Variants in GPR176 observed in about 807,000 individuals in gnomAD.
GPR176 encodes the protein G protein-coupled receptor 176.
A neutral mutation model predicts 35.4 loss-of-function variants in GPR176; 26 were observed. That is an observed-to-expected ratio of 0.74 (90% CI 0.54 to 1.02). The LOEUF (loss-of-function observed/expected upper bound fraction) is 1.02, where lower values mean the gene tolerates loss of function less well. Among genes scored for constraint, GPR176 ranks in the 50% least tolerant of loss-of-function variants. The pLI is 0.00. For synonymous variants in GPR176, 278 were observed against 271.3 expected (o/e 1.02, Z -0.24); for missense variants, 597 against 665.3 (o/e 0.90, Z 1.13).
At chr15:39,807,309 TAA>T in intron 1 of GPR176, 51 bp from the exon 2 acceptor site, 5 of 1,218,824 alleles carry the variant, frequency 4.1e-6, no homozygotes, top group Non-Finnish European at 5.5e-6. Context: ...ATTTAAGAAC[TAA>T]AAAAAGGAAA....
chr15:39,839,203 G>T (rs1429238917), intron 1 of GPR176, among the ~76,000 whole-genome samples: 4 of 152,112 alleles, frequency 2.6e-5, no homozygotes. Flanking sequence ...AAAGAACAAA[G>T]CTGGAGGCAT....
chr15:39,916,239 T>G (rs2033722529), intron 1 of GPR176, among the ~76,000 whole-genome samples: 1 of 152,190 alleles, frequency 6.6e-6, no homozygotes. Context: ...AGTCTTTGAT[T>G]TCACACTCTT....
chr15:39,806,293 GCTTA>G (rs1470516664), intron 2 of GPR176, among the ~76,000 whole-genome samples: 1 of 152,116 alleles, frequency 6.6e-6, no homozygotes, highest in East Asian at 1.9e-4. Context: ...ATTCTTGTTT[GCTTA>G]CTTAATTCAA....
At chr15:39,881,710 C>A (rs1225653021) in intron 1 of GPR176, among the ~76,000 whole-genome samples, 1 of 152,180 alleles carries the variant, frequency 6.6e-6, no homozygotes, top group African/African-American at 2.4e-5. Flanking sequence ...CCAGCTCACA[C>A]AAATGAATAG....
intron 1 of GPR176, among the ~76,000 whole-genome samples, chr15:39,811,462 C>T (rs1404683804): frequency 5.9e-5 from 9 of 151,826 alleles, no homozygotes; most frequent in Admixed American, 5.9e-4. Flanking sequence ...GTTGAGTATC[C>T]CTTATCTAAA....
At chr15:39,902,450 C>T (rs1231804691) in intron 1 of GPR176, among the ~76,000 whole-genome samples, 2 of 152,194 alleles carry the variant, frequency 1.3e-5, no homozygotes, top group East Asian at 1.9e-4. Context: ...CCTCTAGTCC[C>T]TAATCCTGCC....
chr15:39,806,887 G>A, intron 2 of GPR176, 119 bp downstream of exon 2: 6 of 856,954 alleles, frequency 7.0e-6, no homozygotes, highest in Non-Finnish European at 8.9e-6. Flanking sequence ...CCTTTCTGTT[G>A]ATCACAAGCT....
chr15:39,898,823 A>T (rs2033193624), intron 1 of GPR176, among the ~76,000 whole-genome samples: 1 of 152,202 alleles, frequency 6.6e-6, no homozygotes, highest in Non-Finnish European at 1.5e-5. Context: ...AAGAAGTATG[A>T]CTATGAAAGG....
chr15:39,812,408 C>T (rs1335002951), intron 1 of GPR176, among the ~76,000 whole-genome samples: 11 of 152,164 alleles, frequency 7.2e-5, no homozygotes, highest in Admixed American at 5.9e-4. Flanking sequence ...ATCTTTCTCC[C>T]GTGCTGGATG....
intron 1 of GPR176, among the ~76,000 whole-genome samples, chr15:39,813,845 T>TTA (rs774974084): frequency 9.5e-4 from 144 of 151,674 alleles, no homozygotes; most frequent in Middle Eastern, 3.4e-3. Flanking sequence ...ATCAACATCC[T>TTA]TATATATATA....
At chr15:39,844,536 T>A (rs7181712) in intron 1 of GPR176, among the ~76,000 whole-genome samples, 27,280 of 151,614 alleles carry the variant, frequency 0.18, 2,868 homozygotes, top group Admixed American at 0.34. Context: ...CTTCTTTCAA[T>A]CTGTTCCGAG....
At chr15:39,849,397 T>C (rs1331180715) in intron 1 of GPR176, among the ~76,000 whole-genome samples, 1 of 151,998 alleles carries the variant, frequency 6.6e-6, no homozygotes, top group Non-Finnish European at 1.5e-5. Context: ...CATACTCTCT[T>C]CCAAAAAACA....
chr15:39,874,664 C>A (rs999629288), intron 1 of GPR176, among the ~76,000 whole-genome samples: 1 of 152,198 alleles, frequency 6.6e-6, no homozygotes, highest in Non-Finnish European at 1.5e-5. Context: ...GTCAATAAGA[C>A]TTGGAGTAAT....
intron 1 of GPR176, among the ~76,000 whole-genome samples, chr15:39,817,430 G>A (rs1313607610): frequency 6.6e-6 from 1 of 152,158 alleles, no homozygotes; most frequent in Non-Finnish European, 1.5e-5. Flanking sequence ...GAATAGCAGA[G>A]GTACAAAAGT....
intron 1 of GPR176, among the ~76,000 whole-genome samples, chr15:39,877,702 A>C (rs1463148555): frequency 2.0e-5 from 3 of 152,102 alleles, no homozygotes; most frequent in Non-Finnish European, 4.4e-5. Context: ...CTAGGACTAC[A>C]GGCAGACGCC....
chr15:39,831,902 T>C (rs1901101315), intron 1 of GPR176, among the ~76,000 whole-genome samples: 2 of 152,042 alleles, frequency 1.3e-5, no homozygotes, highest in African/African-American at 4.8e-5. Flanking sequence ...TCTCAGTATT[T>C]TATCCCAAAT....
chr15:39,907,048 T>C (rs543695686), intron 1 of GPR176, among the ~76,000 whole-genome samples: 19 of 152,172 alleles, frequency 1.2e-4, no homozygotes, highest in Non-Finnish European at 2.4e-4. Context: ...ATAGAAGTGA[T>C]TGGGGAAGAC....
At chr15:39,911,382 T>C (rs887843830) in intron 1 of GPR176, among the ~76,000 whole-genome samples, 4 of 152,196 alleles carry the variant, frequency 2.6e-5, no homozygotes, top group Admixed American at 6.5e-5. Context: ...ATCTGAAAGT[T>C]TTTCAGTATC....
intron 1 of GPR176, among the ~76,000 whole-genome samples, chr15:39,841,804 G>A (rs1243258670): frequency 6.6e-6 from 1 of 152,132 alleles, no homozygotes; most frequent in Non-Finnish European, 1.5e-5. Context: ...CAAAATGATA[G>A]GTTTACGAGG....
Sources: gnomAD v4.1 joint callset for allele counts (sites outside exome capture counted in the v4.1 genomes callset) on GRCh38, gnomAD v4.1.1 for gene constraint, MANE v1.5 for transcripts, NCBI Gene and HGNC (gene_info 2026-07-23, HGNC 2026-07-21) for gene names.